Variants in CYP2U1 observed in about 807,000 individuals in gnomAD.
CYP2U1 encodes cytochrome P450 family 2 subfamily U member 1.
In CYP2U1, 28 loss-of-function variants were observed where a neutral mutation model predicts 42.8. That is an observed-to-expected ratio of 0.65 (90% CI 0.48 to 0.90). CYP2U1 has a LOEUF of 0.90. Ranked by LOEUF, CYP2U1 falls within the 40% of genes least tolerant of loss-of-function variation. CYP2U1 has a pLI of 0.00. For missense variants in CYP2U1, 642 were observed against 693.8 expected (o/e 0.93, Z 0.84); for synonymous variants, 296 against 278.9 (o/e 1.06, Z -0.61).
intron 1 of CYP2U1, among the ~76,000 whole-genome samples, chr4:107,932,672 A>AT (rs1383981007): frequency 6.6e-5 from 10 of 152,140 alleles, no homozygotes; most frequent in African/African-American, 2.2e-4. Flanking sequence ...TAAATTGGAC[A>AT]TTTTTGGGGG....
rs536137083 is a variant in CYP2U1 at position 107,933,000 on chromosome 4, G to A, written c.490+867G>A. Among the ~76,000 whole-genome samples, 275 of 152,346 alleles carry A rather than the reference G, an allele frequency of 1.8e-3. 2 individuals carry two copies. Among genetic ancestry groups the A allele is most frequent in the South Asian group, 9.5e-3 (46 of 4,830 alleles). On this transcript the variant is annotated intron_variant, in intron 1 of 4. Transcript: ENST00000332884. ...CACTGTTCTGACATCTAGGAGGACA[G>A]AGTCATTGCTGTCTGAAACATAGTA... is the stretch of plus-strand genomic sequence containing the variant.
chr4:107,947,567 C>T, intron 3 of CYP2U1, 30 bp downstream of exon 3: 1 of 1,611,360 alleles, frequency 6.2e-7, no homozygotes, highest in Non-Finnish European at 8.5e-7. Context: ...CTTTGAATGC[C>T]CTTGACGGAA....
At chr4:107,935,477 CAAG>C (rs1307447880) in intron 1 of CYP2U1, 1 of 152,004 alleles carries the variant, frequency 6.6e-6, no homozygotes, top group Non-Finnish European at 1.5e-5. Context: ...AAGGTGTTGA[CAAG>C]ATAATGCAAG....
At chr4:107,949,238 C>A in intron 3 of CYP2U1, 112 bp from the exon 4 acceptor site, 2 of 1,059,284 alleles carry the variant, frequency 1.9e-6, no homozygotes, top group Non-Finnish European at 2.5e-6. Flanking sequence ...TTGGTCTCAG[C>A]CAATTAAAGT....
intron 3 of CYP2U1, among the ~76,000 whole-genome samples, chr4:107,948,858 A>G (rs1007251948): frequency 6.6e-6 from 1 of 152,078 alleles, no homozygotes; most frequent in African/African-American, 2.4e-5. Flanking sequence ...TAGACTGTTT[A>G]TAGTATCTTT....
intron 3 of CYP2U1, among the ~76,000 whole-genome samples, chr4:107,948,491 C>T (rs544011787): frequency 1.2e-4 from 19 of 152,058 alleles, no homozygotes; most frequent in Admixed American, 3.9e-4. Context: ...CACTTGAACC[C>T]GGGAGGCAGA....
rs1020678112 is a variant in CYP2U1, at chr4:107,945,296, T to C, written c.817T>C (p.Cys273Arg). ...CAGTCAAGTCCTCCTGGTCAACATATGCCCTTGGCTTTATTACCTTCCCTT... is the reference window on the plus strand; with the variant it reads ...CAGTCAAGTCCTCCTGGTCAACATACGCCCTTGGCTTTATTACCTTCCCTT... ...LNSQVLLVNI[C>R]PWLYYLPFGP... The change falls in exon 2 of 5, where the codon TGC becomes CGC. Residue 273 changes from cysteine (C) to arginine (R), a missense_variant. Transcript: ENST00000332884. 2 of 1,614,168 alleles carry C rather than the reference T, an allele frequency of 1.2e-6. No individual in the cohort carries two copies. Among genetic ancestry groups the C allele is most frequent in the African/African-American group, 1.3e-5 (1 of 75,040 alleles).
rs1301229810 is a variant in CYP2U1 at position 107,945,187 on chromosome 4, C to T, written c.708C>T (p.Cys236=). ...TCTCTAACATCATTTGCTCCTTGTGCTTTGGCCAGCGCTTTGATTACACTA... is the reference window on the plus strand; with the variant it reads ...TCTCTAACATCATTTGCTCCTTGTGTTTTGGCCAGCGCTTTGATTACACTA... The part of the protein sequence containing the change: ...NAVSNIICSL[C]FGQRFDYTNS... Residue 236 remains cysteine, a synonymous_variant, in exon 2 of 5, where the codon TGC becomes TGT. Transcript: ENST00000332884. 2 of 1,613,972 alleles carry T rather than the reference C, an allele frequency of 1.2e-6. No homozygotes were observed. Among genetic ancestry groups the T allele is most frequent in the Non-Finnish European group, 1.7e-6 (2 of 1,180,002 alleles).
chr4:107,948,942 A>ATCTT (rs752657285), intron 3 of CYP2U1, among the ~76,000 whole-genome samples: 7 of 152,150 alleles, frequency 4.6e-5, no homozygotes, highest in Non-Finnish European at 1.0e-4. Context: ...ATATTTCTTT[A>ATCTT]TCTTAGTTTA....
chr4:107,948,423 G>C (rs1030078580), intron 3 of CYP2U1, among the ~76,000 whole-genome samples: 7 of 151,882 alleles, frequency 4.6e-5, no homozygotes, highest in Non-Finnish European at 7.4e-5. Flanking sequence ...AATTAGCCAG[G>C]CATGGTGGCA....
At chr4:107,946,238 T>G (rs1348998439) in intron 2 of CYP2U1, among the ~76,000 whole-genome samples, 1 of 152,178 alleles carries the variant, frequency 6.6e-6, no homozygotes, top group African/African-American at 2.4e-5. Flanking sequence ...AAGAATCAAT[T>G]TCCATGCTGT....
Position 107,949,589 on chromosome 4 carries a change from G to A in CYP2U1, c.1456+72G>A, listed in dbSNP as rs1733837613. The stretch of plus-strand genomic sequence containing the variant: ...CTAAAATAATATTTTATTATTTCAT[G>A]TTGTTTTAAAAATGTTTCTTTCTTG... On this transcript the variant is annotated intron_variant, in intron 4 of 4. Coordinates refer to ENST00000332884, the MANE Select transcript of CYP2U1 (RefSeq NM_183075.3). 8 of 1,259,932 alleles carry A rather than the reference G, an allele frequency of 6.3e-6. 1 individual carries two copies. The highest frequency in any genetic ancestry group is 6.2e-5 in the Admixed American group (2 of 32,350). 78.0% of individuals were successfully genotyped at this position (1,259,932 alleles called of 1,614,324 possible). A position where few individuals can be genotyped will look rare whatever the true frequency, so the allele number is the denominator to read the frequency against.
Position 107,931,942 on chromosome 4 carries a change from T to C in CYP2U1, c.299T>C (p.Val100Ala). ...RTRAAGIDPS[V>A]IGPQVLLAHL... is the part of the protein sequence containing the mutation. The stretch of plus-strand genomic sequence containing the variant: ...AGGGCCGCAGGGATTGATCCCTCGG[T>C]CATAGGCCCGCAGGTGCTCCTGGCT... Residue 100 changes from valine to alanine, a missense_variant, in exon 1 of 5, where the codon GTC becomes GCC. Physicochemically the swap from Val to Ala is moderately conservative, Grantham distance 64 (BLOSUM62 0). Transcript: ENST00000332884. 3 of 1,551,378 alleles carry C rather than the reference T, an allele frequency of 1.9e-6. No individual in the cohort carries two copies. Among genetic ancestry groups the C allele is most frequent in the Non-Finnish European group, 2.6e-6 (3 of 1,147,042 alleles).
chr4:107,943,738 G>T (rs1288782079), intron 1 of CYP2U1, among the ~76,000 whole-genome samples: 1 of 152,098 alleles, frequency 6.6e-6, no homozygotes, highest in Non-Finnish European at 1.5e-5. Flanking sequence ...CATGGAGCAG[G>T]GTCTTTATTT....
chr4:107,934,555 C>T (rs991407778), intron 1 of CYP2U1, among the ~76,000 whole-genome samples: 3 of 152,334 alleles, frequency 2.0e-5, no homozygotes, highest in South Asian at 4.1e-4. Flanking sequence ...GTATCTCTTA[C>T]ATAAACCATG....
intron 1 of CYP2U1, chr4:107,935,769 C>G (rs1733237031): frequency 2.0e-5 from 3 of 152,164 alleles, no homozygotes; most frequent in African/African-American, 7.2e-5. Context: ...CTCAGCTCAG[C>G]AAGACTTGAG....
rs535781796 is a variant in CYP2U1, at chr4:107,953,434, G to A, written c.*3011G>A. 17 of 152,194 alleles carry A rather than the reference G, an allele frequency of 1.1e-4. No homozygotes were observed. The highest frequency in any genetic ancestry group is 4.1e-4 in the African/African-American group (17 of 41,552). The allele number at this position is 152,194 out of a possible 1,614,324, so 9.4% of individuals were successfully genotyped here. ...TGATTCTCATCGTTAGCACAGTTTTGTTGCTTTTATTAAACTATTTTAACT... is the reference window on the plus strand; with the variant it reads ...TGATTCTCATCGTTAGCACAGTTTTATTGCTTTTATTAAACTATTTTAACT... On this transcript the variant is annotated 3_prime_UTR_variant, in exon 5 of 5. Coordinates refer to ENST00000332884, the MANE Select transcript of CYP2U1 (RefSeq NM_183075.3).
Position 107,938,290 on chromosome 4 carries a change from A to G in CYP2U1, c.490+6157A>G, listed in dbSNP as rs527955985. The G allele has an allele frequency of 3.9e-5, 6 of 152,312 alleles. No individual in the cohort carries two copies. In the East Asian group the frequency reaches 1.2e-3, roughly 29 times the overall value. The allele number at this position is 152,312 out of a possible 1,614,324, so 9.4% of individuals were successfully genotyped here. ...CTCAACAATTCACAACTATACATCAATCCTCACATAGTTTTGGGATAAGAA... is the reference window on the plus strand; with the variant it reads ...CTCAACAATTCACAACTATACATCAGTCCTCACATAGTTTTGGGATAAGAA... On this transcript the variant is annotated intron_variant, in intron 1 of 4. Coordinates refer to ENST00000332884, the MANE Select transcript of CYP2U1 (RefSeq NM_183075.3).
intron 1 of CYP2U1, chr4:107,940,148 CA>C (rs1437724851): frequency 6.6e-6 from 1 of 150,750 alleles, no homozygotes; most frequent in African/African-American, 2.4e-5. Flanking sequence ...GGCGTGATAT[CA>C]GCTTACTGCA....
Sources: allele counts gnomAD v4.1 joint callset (sites outside exome capture counted in the v4.1 genomes callset), GRCh38; gene constraint gnomAD v4.1.1; transcripts MANE v1.5; gene names NCBI Gene and HGNC (gene_info 2026-07-23, HGNC 2026-07-21).